NCAM2: variants seen among roughly 807,000 people sequenced by gnomAD.
The protein encoded by NCAM2 is neural cell adhesion molecule 2.
In NCAM2, 30 loss-of-function variants were observed where a neutral mutation model predicts 98.1. That is an observed-to-expected ratio of 0.31 (90% CI 0.23 to 0.41). The LOEUF is 0.41. NCAM2 is among the 10% of genes least tolerant of loss of function. The pLI, the probability that NCAM2 is intolerant of heterozygous loss-of-function variation, is 1.00. For synonymous variants in NCAM2, 368 were observed against 342.4 expected, an observed-to-expected ratio of 1.07 and a Z score of -0.83; for missense variants, 867 against 1,005.8, an observed-to-expected ratio of 0.86 and a Z score of 1.87.
At chr21:21,309,949 AG>A (rs1368232556) in intron 5 of NCAM2, among the ~76,000 whole-genome samples, 1 of 152,200 alleles carries the variant, frequency 6.6e-6, no homozygotes, top group East Asian at 1.9e-4. Context: ...TAGCTGTTTC[AG>A]GTGCTAAGAT....
At chr21:21,478,693 C>T (rs1427163659) in intron 15 of NCAM2, among the ~76,000 whole-genome samples, 2 of 152,076 alleles carry the variant, frequency 1.3e-5, no homozygotes, top group Non-Finnish European at 2.9e-5. Context: ...GGAAATAACA[C>T]TGGTATGTTA....
intron 1 of NCAM2, among the ~76,000 whole-genome samples, chr21:21,203,363 C>A (rs759636913): frequency 2.0e-5 from 3 of 152,082 alleles, no homozygotes; most frequent in Non-Finnish European, 4.4e-5. Context: ...AAAAACAAAT[C>A]TGTTTAAGAT....
At chr21:21,204,182 T>G (rs1030411987) in intron 1 of NCAM2, among the ~76,000 whole-genome samples, 3 of 152,274 alleles carry the variant, frequency 2.0e-5, no homozygotes, top group Non-Finnish European at 2.9e-5. Context: ...GATTCTACCT[T>G]TATCTCCCTT....
chr21:21,070,039 G>C (rs929027670), intron 1 of NCAM2, among the ~76,000 whole-genome samples: 6 of 152,028 alleles, frequency 3.9e-5, no homozygotes, highest in Non-Finnish European at 8.8e-5. Flanking sequence ...CGCTGAATAA[G>C]TTCCTTGCAT....
chr21:21,143,993 C>A (rs1601486958), intron 1 of NCAM2, among the ~76,000 whole-genome samples: 3 of 151,872 alleles, frequency 2.0e-5, no homozygotes, highest in Admixed American at 2.0e-4. Flanking sequence ...ATTTTCATAC[C>A]TTTCATCTTT....
intron 12 of NCAM2, among the ~76,000 whole-genome samples, chr21:21,466,312 G>C (rs1175761593): frequency 2.6e-5 from 4 of 151,798 alleles, no homozygotes. Flanking sequence ...TTGGTTTTTG[G>C]ATATTAAAAA....
At chr21:21,337,335 T>C (rs2074899313) in intron 7 of NCAM2, among the ~76,000 whole-genome samples, 1 of 152,144 alleles carries the variant, frequency 6.6e-6, no homozygotes, top group African/African-American at 2.4e-5. Context: ...ATAATCCCTT[T>C]TGTGTAGTAA....
intron 5 of NCAM2, among the ~76,000 whole-genome samples, chr21:21,313,576 A>G (rs2147734826): frequency 6.6e-6 from 1 of 151,832 alleles, no homozygotes; most frequent in East Asian, 1.9e-4. Flanking sequence ...ATTTTATTCT[A>G]GTTTTATCAT....
At chr21:21,343,764 G>T (rs1026088031) in intron 8 of NCAM2, among the ~76,000 whole-genome samples, 9 of 152,166 alleles carry the variant, frequency 5.9e-5, no homozygotes, top group Non-Finnish European at 1.2e-4. Flanking sequence ...GGACCAAAGT[G>T]CTCTGTGTCT....
In NCAM2 at chr21:21,020,236, G is replaced by A. The variant is rs541508205; in HGVS notation, c.55+21618G>A. Among the ~76,000 whole-genome samples, 12 of 151,978 alleles carry A rather than the reference G, an allele frequency of 7.9e-5. No individual in the cohort carries two copies. In the South Asian group the frequency reaches 1.5e-3, roughly 18 times the overall value. On this transcript the variant is annotated intron_variant, in intron 1 of 17. Coordinates refer to ENST00000400546, the MANE Select transcript of NCAM2 (RefSeq NM_004540.5). ...TTTTTAGAAGAGATGGGGTTTCACC[G>A]TGTTGGCCAGGCTGGTCTCAAACTC...
intron 12 of NCAM2, among the ~76,000 whole-genome samples, chr21:21,459,331 T>C (rs1982615857): frequency 6.6e-6 from 1 of 151,786 alleles, no homozygotes; most frequent in Non-Finnish European, 1.5e-5. Context: ...ACGTCTATGT[T>C]CTTTGTAGCA....
At chr21:21,028,317 T>G (rs2064596478) in intron 1 of NCAM2, among the ~76,000 whole-genome samples, 1 of 152,256 alleles carries the variant, frequency 6.6e-6, no homozygotes. Flanking sequence ...ATTCCAGTCA[T>G]CTTGTTATTG....
intron 1 of NCAM2, among the ~76,000 whole-genome samples, chr21:21,263,403 A>G (rs2071998429): frequency 6.6e-6 from 1 of 152,172 alleles, no homozygotes. Flanking sequence ...GCTAATGGAT[A>G]GGAAAAATCA....
At chr21:21,272,499 C>T (rs1384321468) in intron 1 of NCAM2, among the ~76,000 whole-genome samples, 1 of 50,604 alleles carries the variant, frequency 2.0e-5, no homozygotes, top group African/African-American at 6.2e-5. Context: ...CACACACATG[C>T]GCGCGCGCGC....
In NCAM2 at chr21:21,215,252, A is replaced by T. The variant is rs138230739; in HGVS notation, c.56-65326A>T. Among the ~76,000 whole-genome samples, 475 of 152,292 alleles carry T rather than the reference A, an allele frequency of 3.1e-3. 1 individual carries two copies. Among genetic ancestry groups the T allele is most frequent in the Admixed American group, 4.1e-3 (63 of 15,300 alleles). On this transcript the variant is annotated intron_variant, in intron 1 of 17. Transcript: ENST00000400546. ...CAAAGAGTAAGGCATACTGCATCAG[A>T]ACCTTTCAGAATACAATGATTTTGG...
chr21:21,531,926 A>G (rs1431533434), intron 16 of NCAM2, among the ~76,000 whole-genome samples: 1 of 118 alleles, frequency 8.5e-3, no homozygotes, highest in East Asian at 0.5. Flanking sequence ...CCAGGAGCGG[A>G]GCTTGGCAGT....
intron 1 of NCAM2, among the ~76,000 whole-genome samples, chr21:21,266,066 A>C (rs868498386): frequency 2.0e-5 from 3 of 152,136 alleles, no homozygotes; most frequent in African/African-American, 2.4e-5. Context: ...CTTTCTTTAG[A>C]ATCAATCAAT....
At chr21:21,016,396 T>A (rs2064309695) in intron 1 of NCAM2, among the ~76,000 whole-genome samples, 1 of 151,518 alleles carries the variant, frequency 6.6e-6, no homozygotes. Context: ...GCGCTTCGTA[T>A]GTGTGATCTC....
At chr21:21,412,817 TAA>T (rs1415346769) in intron 10 of NCAM2, among the ~76,000 whole-genome samples, 2 of 151,968 alleles carry the variant, frequency 1.3e-5, no homozygotes, top group African/African-American at 4.8e-5. Flanking sequence ...AACAATAATA[TAA>T]AGAGAAAGCA....
Sources: gnomAD v4.1 joint callset for allele counts (sites outside exome capture counted in the v4.1 genomes callset) on GRCh38, gnomAD v4.1.1 for gene constraint, MANE v1.5 for transcripts, NCBI Gene and HGNC (gene_info 2026-07-23, HGNC 2026-07-21) for gene names.